The following TOP1MT variants were observed in gnomAD, a reference collection of about 807,000 sequenced individuals.
TOP1MT encodes the protein DNA topoisomerase I mitochondrial, also known as DNA topoisomerase I, mitochondrial.
TOP1MT carries 80 observed loss-of-function variants against 73.9 expected under a neutral mutation model. The observed-to-expected ratio is 1.08, with a 90% CI of 0.90 to 1.30. The LOEUF is 1.30. TOP1MT is among the 50% of genes most tolerant of loss of function. The pLI, the probability that TOP1MT is intolerant of heterozygous loss-of-function variation, is 0.00. For synonymous variants in TOP1MT, 338 were observed against 326.4 expected (o/e 1.04, Z -0.38); for missense variants, 815 against 808.0 (o/e 1.01, Z -0.10).
At chr8:143,357,436 A>G (rs1817430857), upstream of TOP1MT, among the ~76,000 whole-genome samples, 1 of 151,970 alleles carries the variant, frequency 6.6e-6, no homozygotes, top group African/African-American at 2.4e-5. Context: ...GAGAGTAAAA[A>G]CAAAAATTAA....
chr8:143,343,400 C>T, intron 1 of TOP1MT: 1 of 380,478 alleles, frequency 2.6e-6, no homozygotes, highest in South Asian at 1.9e-5. Context: ...CTTCATGACC[C>T]TTTTCTCATT....
At chr8:143,334,952 C>A, upstream of TOP1MT, 1 of 1,163,004 alleles carries the variant, frequency 8.6e-7, no homozygotes, top group Non-Finnish European at 1.0e-6. Flanking sequence ...CCCCCGAGCG[C>A]GGCCTCCGCC....
intron 8 of TOP1MT, among the ~76,000 whole-genome samples, chr8:143,318,716 C>T (rs1451464975): frequency 3.3e-5 from 5 of 152,176 alleles, no homozygotes; most frequent in Admixed American, 1.3e-4. Context: ...GCAGCCCTCC[C>T]TCACCAGACA....
chr8:143,347,054 G>A (rs1012410988), upstream of TOP1MT, among the ~76,000 whole-genome samples: 5 of 151,526 alleles, frequency 3.3e-5, no homozygotes, highest in African/African-American at 1.2e-4. Context: ...GTGTGATCTT[G>A]GCTCACTGCA....
intron 1 of TOP1MT, chr8:143,332,513 G>A: frequency 7.8e-7 from 1 of 1,289,406 alleles, no homozygotes; most frequent in Non-Finnish European, 1.0e-6. Context: ...ACCTGCACGT[G>A]ACCCCAGCCA....
Position 143,324,082 on chromosome 8 carries a change from T to C in TOP1MT, c.877A>G (p.Ile293Val), listed in dbSNP as rs919986376. The C allele has an allele frequency of 9.9e-6, 16 of 1,613,812 alleles. No individual in the cohort carries two copies. Among genetic ancestry groups the C allele is most frequent in the Non-Finnish European group, 1.4e-5 (16 of 1,180,042 alleles). The change falls in exon 7 of 14, where the codon ATC (isoleucine) becomes GTC (valine). Residue 293 changes from isoleucine (I) to valine (V), a missense_variant. Coordinates refer to ENST00000329245, the MANE Select transcript of TOP1MT (RefSeq NM_052963.3). Reference sequence around the variant, plus strand: ...CAGTCAGCCCGGTACTGGGAGCGGATCTCGTCCACAAATCCCCGCAGGCGT... The same window carrying C: ...CAGTCAGCCCGGTACTGGGAGCGGACCTCGTCCACAAATCCCCGCAGGCGT... ...ARRLRGFVDEIRSQYRADWKS... is the reference protein window; with the variant it reads ...ARRLRGFVDEVRSQYRADWKS...
chr8:143,336,814 C>T (rs1201465795), upstream of TOP1MT, among the ~76,000 whole-genome samples: 1 of 151,944 alleles, frequency 6.6e-6, no homozygotes, highest in Non-Finnish European at 1.5e-5. Flanking sequence ...GAGACCCTAT[C>T]TCTATGGAAA....
chr8:143,312,081 C>T (rs1398779016), intron 12 of TOP1MT, among the ~76,000 whole-genome samples: 2 of 152,192 alleles, frequency 1.3e-5, no homozygotes, highest in African/African-American at 4.8e-5. Flanking sequence ...ATAGTCTCAG[C>T]TATTCAGGAG....
Position 143,309,535 on chromosome 8 carries a change from C to G in TOP1MT, c.1712G>C (p.Arg571Pro), listed in dbSNP as rs200393292. The G allele has an allele frequency of 1.2e-5, 20 of 1,613,696 alleles. No homozygotes were observed. The highest frequency in any genetic ancestry group is 5.9e-6 in the Non-Finnish European group (7 of 1,180,006). ...DPRISIAWCK[R>P]FRVPVEKIYS... Reference sequence around the variant, plus strand: ...GATCTTCTCCACTGGCACCCTGAACCGCTTGCACCTGCGGGAGGCAGCATC... The same window carrying G: ...GATCTTCTCCACTGGCACCCTGAACGGCTTGCACCTGCGGGAGGCAGCATC... The change falls in exon 14 of 14, where the codon CGG (arginine) becomes CCG (proline). Residue 571 changes from arginine to proline, a missense_variant. By Grantham distance (103) the Arg-to-Pro change is moderately radical. This residue lies in a region of TOP1MT where 751 missense variants were observed against 725.4 expected (regional missense o/e 1.04). Coordinates refer to ENST00000329245, the MANE Select transcript of TOP1MT (RefSeq NM_052963.3).
chr8:143,311,885 CA>C (rs1816024313), intron 12 of TOP1MT, among the ~76,000 whole-genome samples: 2 of 152,136 alleles, frequency 1.3e-5, no homozygotes, highest in Non-Finnish European at 2.9e-5. Flanking sequence ...CTAGACTAAA[CA>C]AATTCCCAGA....
In TOP1MT at chr8:143,316,132, A is replaced by G. The variant is rs1221806628; in HGVS notation, c.1331-6T>C. On this transcript the variant is annotated splice_polypyrimidine_tract_variant and splice_region_variant and intron_variant, in intron 10 of 13. Coordinates refer to ENST00000329245, the MANE Select transcript of TOP1MT (RefSeq NM_052963.3). ...AGCTGCTATGCTGTCCTCGGCTGAGAGGCACGGGCTGTCAGAGGCAGCACC... is the reference window on the plus strand; with the variant it reads ...AGCTGCTATGCTGTCCTCGGCTGAGGGGCACGGGCTGTCAGAGGCAGCACC... The G allele has an allele frequency of 6.2e-7, 1 of 1,613,986 alleles. No individual in the cohort carries two copies. The highest frequency in any genetic ancestry group is 1.7e-5 in the Admixed American group (1 of 60,026).
Position 143,321,320 on chromosome 8 carries a change from G to A in TOP1MT, c.1027C>T (p.Leu343Phe), listed in dbSNP as rs1445341925. 6.2e-7 allele frequency: 1 copy of A among 1,608,440 alleles called. No homozygotes were observed. Among genetic ancestry groups the A allele is most frequent in the Non-Finnish European group, 8.5e-7 (1 of 1,175,884 alleles). The change falls in exon 8 of 14, where the codon CTC becomes TTC. Residue 343 changes from leucine to phenylalanine, a missense_variant. Physicochemically the swap from Leu to Phe is conservative, Grantham distance 22. This residue lies in a region of TOP1MT where 751 missense variants were observed against 725.4 expected (regional missense o/e 1.04). Coordinates refer to ENST00000329245, the MANE Select transcript of TOP1MT (RefSeq NM_052963.3). The stretch of plus-strand genomic sequence containing the variant: ...TGCAGCTGGACGTGCTCCACGCGGA[G>A]GGAACAGCAGCCCACGGTGTCGGCC... ...EAADTVGCCS[L>F]RVEHVQLHPE...
In TOP1MT at chr8:143,321,305, CGT is replaced by C; in HGVS notation, c.1040_1041del (p.His347ArgfsTer17). 1 of 1,612,474 alleles carries C rather than the reference CGT, an allele frequency of 6.2e-7. No homozygotes were observed. Among genetic ancestry groups the C allele is most frequent in the South Asian group, 1.1e-5 (1 of 91,010 alleles). On this transcript the variant is annotated frameshift_variant, in exon 8 of 14. Coordinates refer to ENST00000329245, the MANE Select transcript of TOP1MT (RefSeq NM_052963.3). LOFTEE classifies it high-confidence loss of function. Reference sequence around the variant, plus strand: ...CCATCGGCCTCCGGGTGCAGCTGGACGTGCTCCACGCGGAGGGAACAGCAGCC... The same window carrying C: ...CCATCGGCCTCCGGGTGCAGCTGGACGCTCCACGCGGAGGGAACAGCAGCC... ...TVGCCSLRVE[H>X]VQLHPEADGC...
At chr8:143,317,178 C>T (rs939573896) in intron 10 of TOP1MT, among the ~76,000 whole-genome samples, 3 of 152,176 alleles carry the variant, frequency 2.0e-5, no homozygotes, top group South Asian at 2.1e-4. Flanking sequence ...CCAATCTGCC[C>T]GGACATCACA....
chr8:143,338,342 C>T (rs1586777420), upstream of TOP1MT, among the ~76,000 whole-genome samples: 1 of 151,994 alleles, frequency 6.6e-6, no homozygotes, highest in South Asian at 2.1e-4. Flanking sequence ...CCAAGGCGGG[C>T]GGATCACCTG....
chr8:143,312,252 C>T (rs1816033282), intron 12 of TOP1MT, among the ~76,000 whole-genome samples: 3 of 152,094 alleles, frequency 2.0e-5, no homozygotes, highest in Admixed American at 2.0e-4. Context: ...TACCTTGATA[C>T]CAAAATCAAT....
chr8:143,319,103 T>C (rs940454040), intron 8 of TOP1MT, among the ~76,000 whole-genome samples: 1 of 152,054 alleles, frequency 6.6e-6, no homozygotes, highest in Non-Finnish European at 1.5e-5. Flanking sequence ...CTTCCTTTCG[T>C]GTGTTGGCTT....
In TOP1MT at chr8:143,317,800, T is replaced by A; in HGVS notation, c.1253A>T (p.Asp418Val). The change falls in exon 10 of 14, where the codon GAC (aspartate) becomes GTC (valine). Residue 418 changes from aspartate to valine, a missense_variant. This residue lies in a region of TOP1MT where 751 missense variants were observed against 725.4 expected (regional missense o/e 1.04). Transcript: ENST00000329245. ...SLNKHLQELMDGLTAKVFRTY... is the reference protein window; with the variant it reads ...SLNKHLQELMVGLTAKVFRTY... ...CCGGAACACCTTGGCCGTCAGCCCG[T>A]CCATCAGCTCCTGGAGGTGCTTGTT... The A allele has an allele frequency of 6.2e-7, 1 of 1,614,166 alleles. No homozygotes were observed. The highest frequency in any genetic ancestry group is 2.2e-5 in the East Asian group (1 of 44,884).
chr8:143,331,174 C>T (rs199843026), intron 2 of TOP1MT, 50 bp downstream of exon 2: 210 of 1,483,668 alleles, frequency 1.4e-4, no homozygotes, highest in Non-Finnish European at 1.9e-4. Context: ...GGAGCCCACG[C>T]CCAGGGAACC....
Sources: allele counts gnomAD v4.1 joint callset (sites outside exome capture counted in the v4.1 genomes callset), GRCh38; gene constraint gnomAD v4.1.1; regional missense constraint gnomAD v4.1.1; transcripts MANE v1.5; gene names NCBI Gene and HGNC (gene_info 2026-07-23, HGNC 2026-07-21).